Variants in AFTPH observed in about 807,000 individuals in gnomAD.
AFTPH encodes aftiphilin.
Under a neutral mutation model 72.5 loss-of-function variants are expected in AFTPH, and 7 were observed. That is an observed-to-expected ratio of 0.10 (90% CI 0.05 to 0.18). AFTPH has a LOEUF of 0.18. Ranked by LOEUF, AFTPH falls within the 10% of genes least tolerant of loss-of-function variation. The probability of loss-of-function intolerance (pLI) is 1.00; values close to 1 mark genes in which losing one functional copy is unlikely to be tolerated. For missense variants in AFTPH, 979 were observed against 1,060.5 expected (o/e 0.92, Z 1.07); for synonymous variants, 337 against 370.1 (o/e 0.91, Z 1.03).
chr2:64,551,710 C>G lies in AFTPH; in HGVS notation c.236C>G (p.Thr79Arg), dbSNP rs1405947438. ...TTCTCAGAAAATGTAGATAGCCTTA[C>G]AAGCTTTAAGTCCATTAAAAATGGT... The change falls in exon 2 of 9, where the codon ACA (threonine) becomes AGA (arginine). Residue 79 changes from threonine to arginine, a missense_variant. Transcript: ENST00000238856. The G allele has an allele frequency of 5.0e-6, 8 of 1,613,788 alleles. No individual in the cohort carries two copies. In the South Asian group the frequency reaches 6.6e-5, roughly 13 times the overall value.
chr2:64,569,557 A>C, intron 4 of AFTPH, 66 bp from the exon 5 acceptor site: 2 of 1,535,282 alleles, frequency 1.3e-6, no homozygotes, highest in Non-Finnish European at 1.8e-6. Context: ...GCATATTTGG[A>C]AACTATTTCA....
chr2:64,550,677 GCACA>G (rs56139158), intron 1 of AFTPH, among the ~76,000 whole-genome samples: 6,996 of 129,966 alleles, frequency 0.054, 197 homozygotes, highest in East Asian at 0.1. Flanking sequence ...CTGTACGCAT[GCACA>G]CACACACACA....
At chr2:64,553,935 G>T (rs1462552742) in intron 2 of AFTPH, among the ~76,000 whole-genome samples, 1 of 151,834 alleles carries the variant, frequency 6.6e-6, no homozygotes, top group Non-Finnish European at 1.5e-5. Context: ...TGTGCCAAAG[G>T]CTATAGTGAA....
intron 1 of AFTPH, among the ~76,000 whole-genome samples, chr2:64,534,485 A>G (rs956313046): frequency 2.0e-5 from 3 of 152,176 alleles, no homozygotes; most frequent in African/African-American, 7.2e-5. Context: ...TAAGTTACCA[A>G]GTTACCACTT....
At chr2:64,575,713 G>A (rs79318552) in intron 6 of AFTPH, among the ~76,000 whole-genome samples, 12 of 49,404 alleles carry the variant, frequency 2.4e-4, no homozygotes, top group African/African-American at 1.2e-3. Flanking sequence ...ATGTGTGTGT[G>A]TGTGTGTGTG....
chr2:64,580,260 C>G (rs1296200099), intron 7 of AFTPH: 1 of 152,664 alleles, frequency 6.6e-6, no homozygotes, highest in African/African-American at 2.4e-5. Context: ...ATTGCTCTTA[C>G]TGCTTGTGCT....
At chr2:64,577,535 A>G (rs1010204705) in intron 6 of AFTPH, among the ~76,000 whole-genome samples, 4 of 152,222 alleles carry the variant, frequency 2.6e-5, no homozygotes, top group African/African-American at 9.6e-5. Context: ...AACTTGCTCC[A>G]TTTATTCAGA....
intron 4 of AFTPH, among the ~76,000 whole-genome samples, 199 bp from the exon 5 acceptor site, chr2:64,569,424 G>A (rs1672284107): frequency 6.6e-6 from 1 of 152,110 alleles, no homozygotes; most frequent in Non-Finnish European, 1.5e-5. Flanking sequence ...AGAAAAAATT[G>A]TTTTAGTAGT....
intron 1 of AFTPH, among the ~76,000 whole-genome samples, chr2:64,536,998 C>G (rs1669935403): frequency 6.8e-6 from 1 of 147,312 alleles, no homozygotes. Flanking sequence ...GAATGCTTTT[C>G]AGAAATGCTT....
intron 2 of AFTPH, among the ~76,000 whole-genome samples, chr2:64,557,456 GC>G (rs1346083069): frequency 6.6e-6 from 1 of 152,138 alleles, no homozygotes; most frequent in Non-Finnish European, 1.5e-5. Context: ...TAATACCTTG[GC>G]TTGTGTTAGT....
At chr2:64,540,721 CTA>C (rs1670198776) in intron 1 of AFTPH, among the ~76,000 whole-genome samples, 1 of 152,048 alleles carries the variant, frequency 6.6e-6, no homozygotes, top group South Asian at 2.1e-4. Context: ...TTTGTTGTCA[CTA>C]TTGACAGTGT....
chr2:64,556,517 C>A (rs1338490155), intron 2 of AFTPH, among the ~76,000 whole-genome samples: 1 of 152,116 alleles, frequency 6.6e-6, no homozygotes, highest in Non-Finnish European at 1.5e-5. Flanking sequence ...GAAAACAAAT[C>A]TTTGTTTTGT....
intron 7 of AFTPH, 59 bp from the exon 9 acceptor site, chr2:64,585,363 T>G: frequency 6.2e-7 from 1 of 1,600,738 alleles, no homozygotes; most frequent in East Asian, 2.2e-5. Flanking sequence ...TCTTGGATTG[T>G]GGCTAACTGG....
intron 2 of AFTPH, among the ~76,000 whole-genome samples, chr2:64,555,550 G>A (rs1572984152): frequency 7.2e-6 from 1 of 139,842 alleles, no homozygotes; most frequent in South Asian, 2.3e-4. Flanking sequence ...TACAGAGAGA[G>A]ACTGTCACAC....
At chr2:64,547,000 G>A (rs1213345605) in intron 1 of AFTPH, among the ~76,000 whole-genome samples, 2 of 152,126 alleles carry the variant, frequency 1.3e-5, no homozygotes, top group African/African-American at 4.8e-5. Context: ...AGTGAGCCGA[G>A]ATCGTGCCAC....
At chr2:64,527,857 G>C (rs1030732564) in intron 1 of AFTPH, among the ~76,000 whole-genome samples, 4 of 152,176 alleles carry the variant, frequency 2.6e-5, no homozygotes, top group Admixed American at 2.6e-4. Context: ...CACACTCCTA[G>C]TGTCTATTTC....
chr2:64,543,709 T>TA (rs1670393812), intron 1 of AFTPH, among the ~76,000 whole-genome samples: 1 of 152,344 alleles, frequency 6.6e-6, no homozygotes, highest in African/African-American at 2.4e-5. Flanking sequence ...TCAGGTAGTT[T>TA]AAGTCCTCCA....
intron 1 of AFTPH, 90 bp from the exon 2 acceptor site, chr2:64,551,353 C>G (rs897650976): frequency 2.0e-6 from 2 of 994,376 alleles, no homozygotes; most frequent in African/African-American, 1.6e-5. Context: ...TGTAAATTTG[C>G]ATTGTTTTAA....
chr2:64,576,140 CGTGTGT>C (rs35888182), intron 6 of AFTPH, among the ~76,000 whole-genome samples: 38 of 134,774 alleles, frequency 2.8e-4, no homozygotes, highest in African/African-American at 6.4e-4. Flanking sequence ...AAATGAAATA[CGTGTGT>C]GTGTGTGTGT....
Sources: gnomAD v4.1 joint callset for allele counts (sites outside exome capture counted in the v4.1 genomes callset) on GRCh38, gnomAD v4.1.1 for gene constraint, MANE v1.5 for transcripts, NCBI Gene and HGNC (gene_info 2026-07-23, HGNC 2026-07-21) for gene names.